Variants in AK8 observed in about 807,000 individuals in gnomAD.
AK8 encodes adenylate kinase 8.
AK8 carries 44 observed loss-of-function variants against 54.6 expected under a neutral mutation model. The ratio of observed to expected loss-of-function variants is 0.81; its 90% CI spans 0.63 to 1.04. The LOEUF (loss-of-function observed/expected upper bound fraction) is 1.04. AK8 is among the 50% of genes least tolerant of loss of function. The probability of loss-of-function intolerance (pLI) is 0.00; values close to 1 mark genes in which losing one functional copy is unlikely to be tolerated. For missense variants in AK8, 555 were observed against 613.6 expected (o/e 0.90, Z 1.01); for synonymous variants, 239 against 245.6 (o/e 0.97, Z 0.25).
At chr9:132,866,485 ATTCTT>A (rs1395643467) in intron 3 of AK8, among the ~76,000 whole-genome samples, 2 of 152,198 alleles carry the variant, frequency 1.3e-5, no homozygotes, top group African/African-American at 4.8e-5. Context: ...TGCTTTTCTG[ATTCTT>A]TTAAGTATTT....
chr9:132,827,257 A>G, intron 7 of AK8: 1 of 624,742 alleles, frequency 1.6e-6, no homozygotes, highest in Non-Finnish European at 2.8e-6. Flanking sequence ...TTGTTACAAT[A>G]CAAGAACAGG....
chr9:132,865,940 G>A (rs568199537), intron 3 of AK8, among the ~76,000 whole-genome samples: 1 of 152,318 alleles, frequency 6.6e-6, no homozygotes, highest in East Asian at 1.9e-4. Flanking sequence ...GCTCACGTCT[G>A]TAATCCCAGC....
chr9:132,784,692 G>A (rs1342098142), intron 11 of AK8, among the ~76,000 whole-genome samples: 1 of 152,162 alleles, frequency 6.6e-6, no homozygotes, highest in Non-Finnish European at 1.5e-5. Flanking sequence ...TTCTTTGCCA[G>A]ATGTTGTTTA....
In AK8 at chr9:132,771,670, G is replaced by A. The variant is rs149515653; in HGVS notation, c.1121+20964C>T. Among the ~76,000 whole-genome samples, 142 of 152,266 alleles carry A rather than the reference G, an allele frequency of 9.3e-4. No homozygotes were observed. In the East Asian group the frequency reaches 0.026, roughly 27 times the overall value. On this transcript the variant is annotated intron_variant, in intron 11 of 12. Coordinates refer to ENST00000298545, the MANE Select transcript of AK8 (RefSeq NM_152572.3). Reference sequence around the variant, plus strand: ...TGCAATTCCCTTCAAAAGGCTCAAGGCTCCCACCTTGTTATGGCGGTGTGG... The same window carrying A: ...TGCAATTCCCTTCAAAAGGCTCAAGACTCCCACCTTGTTATGGCGGTGTGG...
intron 10 of AK8, among the ~76,000 whole-genome samples, chr9:132,813,230 A>G (rs558211421): frequency 5.3e-5 from 8 of 152,116 alleles, no homozygotes; most frequent in African/African-American, 9.7e-5. Context: ...ACCTACACAG[A>G]TCATTGCGTC....
At chr9:132,829,917 A>C (rs1842037015) in intron 5 of AK8, among the ~76,000 whole-genome samples, 1 of 152,186 alleles carries the variant, frequency 6.6e-6, no homozygotes, top group Non-Finnish European at 1.5e-5. Flanking sequence ...TGTGTGGAAA[A>C]TATTGAAAAG....
chr9:132,774,737 C>T (rs1013942681), intron 11 of AK8, among the ~76,000 whole-genome samples: 1 of 152,160 alleles, frequency 6.6e-6, no homozygotes, highest in African/African-American at 2.4e-5. Flanking sequence ...GCCAACTACC[C>T]CGGGCTCTGT....
At chr9:132,850,959 G>C (rs1475417070) in intron 5 of AK8, among the ~76,000 whole-genome samples, 3 of 150,308 alleles carry the variant, frequency 2.0e-5, no homozygotes, top group African/African-American at 7.3e-5. Context: ...TGCGCCACCC[G>C]CCTTGTCAAC....
intron 11 of AK8, chr9:132,769,061 G>C (rs1330257889): frequency 6.6e-6 from 1 of 150,392 alleles, no homozygotes; most frequent in Non-Finnish European, 1.5e-5. Context: ...GGGCAAGTAA[G>C]TGCTAGGAGG....
chr9:132,768,071 T>G (rs911095148), intron 11 of AK8, among the ~76,000 whole-genome samples: 1 of 152,158 alleles, frequency 6.6e-6, no homozygotes, highest in African/African-American at 2.4e-5. Flanking sequence ...AATAATTTAT[T>G]GCATATTTCA....
At chr9:132,868,120 C>T (rs1474205321) in intron 2 of AK8, among the ~76,000 whole-genome samples, 1 of 152,222 alleles carries the variant, frequency 6.6e-6, no homozygotes, top group Non-Finnish European at 1.5e-5. Flanking sequence ...CTGCAACTCA[C>T]ATGAGCCTCT....
intron 9 of AK8, among the ~76,000 whole-genome samples, chr9:132,815,579 A>G (rs1314055638): frequency 6.6e-6 from 1 of 152,126 alleles, no homozygotes; most frequent in Non-Finnish European, 1.5e-5. Flanking sequence ...AGAAAAAGAA[A>G]AAAAGGTACC....
chr9:132,841,622 T>C (rs942993606), intron 5 of AK8, among the ~76,000 whole-genome samples: 6 of 152,176 alleles, frequency 3.9e-5, no homozygotes, highest in Admixed American at 2.0e-4. Context: ...GCCTGTAAAA[T>C]GCCACACTGA....
intron 11 of AK8, among the ~76,000 whole-genome samples, chr9:132,728,808 G>C (rs1836692394): frequency 6.6e-6 from 1 of 152,128 alleles, no homozygotes; most frequent in South Asian, 2.1e-4. Flanking sequence ...TCTCAGACTG[G>C]GAGCACCAGG....
chr9:132,836,519 G>T (rs1842330816), intron 5 of AK8, among the ~76,000 whole-genome samples: 2 of 152,288 alleles, frequency 1.3e-5, no homozygotes, highest in African/African-American at 4.8e-5. Flanking sequence ...ACTGAGGGAA[G>T]ATCTTTAATT....
rs534828843 is a variant in AK8, at chr9:132,726,948, C to T, written c.1202+506G>A. ...GACTGTCAGGAGAGATGACAACACC[C>T]GCCTCTTAGTGATTGTGGGGTTTCC... On this transcript the variant is annotated intron_variant, in intron 12 of 12. Coordinates refer to ENST00000298545, the MANE Select transcript of AK8 (RefSeq NM_152572.3). 7.5e-5 allele frequency among the ~76,000 whole-genome samples: 11 copies of T among 146,964 alleles called. No homozygotes were observed. The South Asian group carries it at 2.1e-3, about 29-fold the overall frequency.
At chr9:132,855,043 G>A (rs1013045492) in intron 4 of AK8, 118 bp from the exon 5 acceptor site, 25 of 1,023,796 alleles carry the variant, frequency 2.4e-5, no homozygotes, top group East Asian at 2.3e-4. Flanking sequence ...GACCACCATC[G>A]GGCCCCGCCC....
chr9:132,732,602 T>C lies in AK8; in HGVS notation c.1122-5068A>G, dbSNP rs984213341. The stretch of plus-strand genomic sequence containing the variant: ...CTTGCCGGAGAGAAATGAGCCTCAT[T>C]TCTGATGAAGCTGAAAAGGCAATGA... On this transcript the variant is annotated intron_variant, in intron 11 of 12. Transcript: ENST00000298545. Among the ~76,000 whole-genome samples, 27 of 151,926 alleles carry C rather than the reference T, an allele frequency of 1.8e-4. 1 individual carries two copies. The highest frequency in any genetic ancestry group is 6.3e-4 in the African/African-American group (26 of 41,356).
chr9:132,738,790 GC>G (rs1026539152), intron 11 of AK8, among the ~76,000 whole-genome samples: 17 of 118,652 alleles, frequency 1.4e-4, no homozygotes, highest in African/African-American at 4.1e-4. Context: ...GTCTCACTCT[GC>G]CCCCCCAGGC....
Sources: allele counts gnomAD v4.1 joint callset (sites outside exome capture counted in the v4.1 genomes callset), GRCh38; gene constraint gnomAD v4.1.1; transcripts MANE v1.5; gene names NCBI Gene and HGNC (gene_info 2026-07-23, HGNC 2026-07-21).